Variants in TTC27 observed in about 807,000 individuals in gnomAD.
TTC27 encodes tetratricopeptide repeat domain 27.
Under a neutral mutation model 115.9 loss-of-function variants are expected in TTC27, and 79 were observed. The observed-to-expected ratio is 0.68, with a 90% CI of 0.57 to 0.82. TTC27 has a LOEUF of 0.82. Ranked by LOEUF, TTC27 falls within the 40% of genes least tolerant of loss-of-function variation. TTC27 has a pLI of 0.00. For synonymous variants in TTC27, 401 were observed against 356.0 expected (o/e 1.13, Z -1.42); for missense variants, 1,054 against 993.1 (o/e 1.06, Z -0.82).
chr2:32,812,668 G>C lies in TTC27; in HGVS notation c.2308+53G>C, dbSNP rs1288351105. ...GGAATGTTTTGACTTATTTTCTACT[G>C]ACAGAAAAGAGTGTTGGTCAAAAGT... On this transcript the variant is annotated intron_variant, in intron 18 of 19. Coordinates refer to ENST00000317907, the MANE Select transcript of TTC27 (RefSeq NM_017735.5). 6 of 1,339,382 alleles carry C rather than the reference G, an allele frequency of 4.5e-6. No homozygotes were observed. In the African/African-American group the frequency reaches 8.6e-5, roughly 19 times the overall value. 83.0% of individuals were successfully genotyped at this position (1,339,382 alleles called of 1,614,324 possible).
chr2:32,725,738 G>A (rs1360450851), intron 10 of TTC27, among the ~76,000 whole-genome samples: 1 of 152,226 alleles, frequency 6.6e-6, no homozygotes, highest in Non-Finnish European at 1.5e-5. Flanking sequence ...TGCCTCAGTA[G>A]GGACTCTGTG....
At chr2:32,644,180 CA>C (rs70938356) in intron 4 of TTC27, among the ~76,000 whole-genome samples, 2,554 of 75,368 alleles carry the variant, frequency 0.034, 23 homozygotes, top group East Asian at 0.049. Flanking sequence ...GACTCTGTTT[CA>C]AAAAAAAAAA....
At chr2:32,752,879 T>C (rs985183600) in intron 12 of TTC27, among the ~76,000 whole-genome samples, 2 of 152,208 alleles carry the variant, frequency 1.3e-5, no homozygotes, top group African/African-American at 4.8e-5. Context: ...ATGAAGTAAC[T>C]GTTACTAGAC....
At chr2:32,648,282 C>T (rs1185788459) in intron 4 of TTC27, among the ~76,000 whole-genome samples, 1 of 151,986 alleles carries the variant, frequency 6.6e-6, no homozygotes, top group African/African-American at 2.4e-5. Flanking sequence ...CGCATGCCAC[C>T]ACACCTGGCT....
At chr2:32,789,468 A>G (rs967489398) in intron 16 of TTC27, among the ~76,000 whole-genome samples, 3 of 151,888 alleles carry the variant, frequency 2.0e-5, no homozygotes, top group Admixed American at 2.0e-4. Flanking sequence ...AGAATTATCT[A>G]TTGGTAGTAA....
intron 16 of TTC27, 128 bp downstream of exon 16, chr2:32,787,277 T>C (rs1670380757): frequency 1.0e-6 from 1 of 1,003,028 alleles, no homozygotes; most frequent in African/African-American, 1.6e-5. Flanking sequence ...GAAAAGGGTA[T>C]TTTTTTCTAG....
chr2:32,796,346 CTT>C (rs901866283), intron 16 of TTC27, among the ~76,000 whole-genome samples: 17 of 152,244 alleles, frequency 1.1e-4, no homozygotes, highest in African/African-American at 4.1e-4. Context: ...GATTGAAAAA[CTT>C]AACATTGTTA....
chr2:32,716,116 A>T (rs1019931216), intron 10 of TTC27, among the ~76,000 whole-genome samples: 1 of 152,164 alleles, frequency 6.6e-6, no homozygotes, highest in African/African-American at 2.4e-5. Flanking sequence ...TTCTATGCGT[A>T]AGCATAAATA....
In TTC27 at chr2:32,789,921, C is replaced by CAAAAA. The variant is rs34859954; in HGVS notation, c.1998+2793_1998+2797dup. On this transcript the variant is annotated intron_variant, in intron 16 of 19. Transcript: ENST00000317907. ...GGATGACAGAGCAAGACCCTGTCTCCAAAAAAAAAAAAAAAAAAAAAAAAA... is the reference window on the plus strand; with the variant it reads ...GGATGACAGAGCAAGACCCTGTCTCCAAAAAAAAAAAAAAAAAAAAAAAAAAAAAA... Among the ~76,000 whole-genome samples the CAAAAA allele has an allele frequency of 8.0e-3, 206 of 25,752 alleles. 6 individuals are homozygous for CAAAAA. Among genetic ancestry groups the CAAAAA allele is most frequent in the African/African-American group, 8.7e-3 (49 of 5,622 alleles). 16.9% of individuals were successfully genotyped at this position (25,752 alleles called of 152,430 possible).
chr2:32,742,265 G>A lies in TTC27; in HGVS notation c.1452+5449G>A, dbSNP rs116211133. On this transcript the variant is annotated intron_variant, in intron 12 of 19. Coordinates refer to ENST00000317907, the MANE Select transcript of TTC27 (RefSeq NM_017735.5). ...TAAAAATTGGATATTAGCTTTGTAA[G>A]TTAAAACCTGTTGTGCTCACTTGAT... 4.4e-3 allele frequency among the ~76,000 whole-genome samples: 672 copies of A among 152,308 alleles called. 7 individuals are homozygous for A. The highest frequency in any genetic ancestry group is 0.015 in the African/African-American group (635 of 41,562).
intron 4 of TTC27, among the ~76,000 whole-genome samples, chr2:32,647,345 T>C (rs940077005): frequency 1.3e-5 from 2 of 152,216 alleles, no homozygotes; most frequent in Non-Finnish European, 2.9e-5. Context: ...GACTCACTTA[T>C]TGCTGACAGC....
Position 32,663,644 on chromosome 2 carries a change from GTATGTATGTAT to G in TTC27, c.641-658_641-648del, listed in dbSNP as rs1206005935. ...TGACAGCCACCCCCTATTTATGTAT[GTATGTATGTAT>G]GTATGTATGTATGTATGTATGTATG... On this transcript the variant is annotated intron_variant, in intron 5 of 19. Coordinates refer to ENST00000317907, the MANE Select transcript of TTC27 (RefSeq NM_017735.5). 4.3e-4 allele frequency among the ~76,000 whole-genome samples: 25 copies of G among 58,546 alleles called. No individual in the cohort carries two copies. The East Asian group carries it at 0.044, about 103-fold the overall frequency. 38.4% of individuals were successfully genotyped at this position (58,546 alleles called of 152,430 possible). A position where few individuals can be genotyped will look rare whatever the true frequency, so the allele number is the denominator to read the frequency against.
rs1202334574 is a variant in TTC27, at chr2:32,718,462, C to T, written c.1234-15366C>T. Among the ~76,000 whole-genome samples the T allele has an allele frequency of 2.6e-5, 4 of 151,942 alleles. No individual in the cohort carries two copies. The South Asian group carries it at 8.3e-4, about 31-fold the overall frequency. ...TCTGATTGTCCTTTTTCTTAATAGT[C>T]TTTTGTGTTTTATAGATACAGTATC... is the stretch of plus-strand genomic sequence containing the variant. On this transcript the variant is annotated intron_variant, in intron 10 of 19. Transcript: ENST00000317907.
intron 8 of TTC27, among the ~76,000 whole-genome samples, chr2:32,675,611 G>C (rs944387300): frequency 7.9e-5 from 12 of 152,126 alleles, no homozygotes; most frequent in Non-Finnish European, 1.8e-4. Context: ...GGTTAGAATA[G>C]TAATGAATTT....
chr2:32,736,715 T>C lies in TTC27; in HGVS notation c.1351T>C (p.Phe451Leu). 1 of 1,613,920 alleles carries C rather than the reference T, an allele frequency of 6.2e-7. No homozygotes were observed. ...CTAGCGCCAACTTGCAAGTTTGCTC[T>C]TTGAGTTGGGATGTACCAGTTCAGC... ...AIQRQLASLL[F>L]ELGCTSSALQ... Residue 451 changes from phenylalanine (F) to leucine (L), a missense_variant, in exon 12 of 20, where the codon TTT (phenylalanine) becomes CTT (leucine). Transcript: ENST00000317907.
intron 7 of TTC27, among the ~76,000 whole-genome samples, chr2:32,672,043 T>C (rs1019342034): frequency 1.3e-5 from 2 of 152,242 alleles, no homozygotes. Flanking sequence ...TGATAGCTGT[T>C]ATTCCCTATT....
intron 12 of TTC27, among the ~76,000 whole-genome samples, chr2:32,738,326 AG>A (rs1668513692): frequency 6.6e-6 from 1 of 152,190 alleles, no homozygotes; most frequent in South Asian, 2.1e-4. Flanking sequence ...TTTGCCTTAT[AG>A]GTTTTTGTAA....
intron 14 of TTC27, among the ~76,000 whole-genome samples, chr2:32,780,852 T>TG (rs1424945391): frequency 3.5e-5 from 1 of 28,540 alleles, no homozygotes; most frequent in Non-Finnish European, 6.5e-5. Context: ...TAGTAGGTGT[T>TG]TTTTTTTTTT....
intron 10 of TTC27, among the ~76,000 whole-genome samples, chr2:32,714,981 C>G (rs191444651): frequency 7.9e-5 from 12 of 151,988 alleles, no homozygotes; most frequent in African/African-American, 2.9e-4. Context: ...GGATATCAGA[C>G]CTTTGTTGGA....
Sources: gnomAD v4.1 joint callset for allele counts (sites outside exome capture counted in the v4.1 genomes callset) on GRCh38, gnomAD v4.1.1 for gene constraint, MANE v1.5 for transcripts, NCBI Gene and HGNC (gene_info 2026-07-23, HGNC 2026-07-21) for gene names.